IQCM: variants seen among roughly 807,000 people sequenced by gnomAD.
IQCM encodes IQ motif containing M.
A neutral mutation model predicts 57.6 loss-of-function variants in IQCM; 45 were observed. The ratio of observed to expected loss-of-function variants is 0.78; its 90% CI spans 0.62 to 1.00. The LOEUF (loss-of-function observed/expected upper bound fraction) is 1.00. Among genes scored for constraint, IQCM ranks in the 50% least tolerant of loss-of-function variants. IQCM has a pLI of 0.00. For missense variants in IQCM, 468 were observed against 511.6 expected, an observed-to-expected ratio of 0.91 and a Z score of 0.82; for synonymous variants, 148 against 158.9, an observed-to-expected ratio of 0.93 and a Z score of 0.51.
intron 13 of IQCM, among the ~76,000 whole-genome samples, chr4:149,357,736 G>C (rs375727183): frequency 1.3e-5 from 2 of 152,138 alleles, no homozygotes; most frequent in Non-Finnish European, 1.5e-5. Context: ...TCAGGCTTTG[G>C]TATCAGGATG....
chr4:149,478,442 A>T (rs1415843690), intron 12 of IQCM, among the ~76,000 whole-genome samples: 1 of 152,198 alleles, frequency 6.6e-6, no homozygotes, highest in African/African-American at 2.4e-5. Context: ...ATGATGATGC[A>T]TGGGTCACTA....
rs191486993 is a variant in IQCM at position 149,751,105 on chromosome 4, T to C, written c.-48-8366A>G. 2.0e-3 allele frequency among the ~76,000 whole-genome samples: 298 copies of C among 152,134 alleles called. 3 individuals are homozygous for C. Among genetic ancestry groups the C allele is most frequent in the African/African-American group, 6.8e-3 (282 of 41,502 alleles). On this transcript the variant is annotated intron_variant, in intron 2 of 13. Coordinates refer to ENST00000636793, the MANE Select transcript of IQCM (RefSeq NM_001363507.2). ...TTAAAATTGAAAACAATCTTGGGAG[T>C]TGATTTGTTTAGCCTCTCATTTCAC...
chr4:149,463,697 T>A (rs1428727508), intron 12 of IQCM, among the ~76,000 whole-genome samples: 2 of 152,200 alleles, frequency 1.3e-5, no homozygotes, highest in Non-Finnish European at 2.9e-5. Flanking sequence ...TTATTTTGTT[T>A]CCCTTTAAAA....
intron 12 of IQCM, among the ~76,000 whole-genome samples, chr4:149,546,325 A>G (rs1327577861): frequency 6.6e-6 from 1 of 152,150 alleles, no homozygotes; most frequent in Non-Finnish European, 1.5e-5. Context: ...TCCTTTGGGT[A>G]TATATACCCA....
At chr4:149,609,659 G>A (rs1755104557) in intron 8 of IQCM, among the ~76,000 whole-genome samples, 1 of 151,924 alleles carries the variant, frequency 6.6e-6, no homozygotes, top group African/African-American at 2.4e-5. Context: ...AATAGATGCT[G>A]AGAAAGCATT....
At chr4:149,778,455 T>G (rs1771310622) in intron 2 of IQCM, among the ~76,000 whole-genome samples, 1 of 151,976 alleles carries the variant, frequency 6.6e-6, no homozygotes, top group African/African-American at 2.4e-5. Context: ...AAGAGGGAAA[T>G]TTATAGCACT....
At chr4:149,769,672 T>C (rs527927247) in intron 2 of IQCM, among the ~76,000 whole-genome samples, 1 of 151,956 alleles carries the variant, frequency 6.6e-6, no homozygotes, top group South Asian at 2.1e-4. Flanking sequence ...GCAAAGAATA[T>C]TGCCAGGGAT....
intron 12 of IQCM, among the ~76,000 whole-genome samples, chr4:149,521,514 G>C (rs1403747276): frequency 6.6e-6 from 1 of 152,274 alleles, no homozygotes; most frequent in South Asian, 2.1e-4. Context: ...AATCATTCAA[G>C]CTTCCTCAGA....
At chr4:149,703,367 A>T (rs908289765) in intron 5 of IQCM, among the ~76,000 whole-genome samples, 1 of 151,710 alleles carries the variant, frequency 6.6e-6, no homozygotes, top group Admixed American at 6.6e-5. Flanking sequence ...CATTAAAATT[A>T]GTACTTCCAG....
At chr4:149,768,289 ATAACT>A (rs1294743586) in intron 2 of IQCM, among the ~76,000 whole-genome samples, 2 of 152,164 alleles carry the variant, frequency 1.3e-5, no homozygotes, top group Non-Finnish European at 2.9e-5. Flanking sequence ...CAGCCAGCGT[ATAACT>A]TTGCCCACAT....
At chr4:149,524,957 C>G (rs574868263) in intron 12 of IQCM, among the ~76,000 whole-genome samples, 1 of 151,440 alleles carries the variant, frequency 6.6e-6, no homozygotes, top group East Asian at 1.9e-4. Flanking sequence ...CACTATTAAT[C>G]AAAAAAATTG....
chr4:149,558,188 T>C (rs549805501), intron 10 of IQCM, among the ~76,000 whole-genome samples: 1 of 152,182 alleles, frequency 6.6e-6, no homozygotes, highest in South Asian at 2.1e-4. Flanking sequence ...ATTCTCTCTT[T>C]ACTCTATATA....
intron 9 of IQCM, among the ~76,000 whole-genome samples, chr4:149,583,327 A>T (rs1034165777): frequency 6.6e-6 from 1 of 151,638 alleles, no homozygotes; most frequent in African/African-American, 2.4e-5. Flanking sequence ...ATCAATAATT[A>T]AAGCAAATTA....
intron 2 of IQCM, among the ~76,000 whole-genome samples, chr4:149,764,464 C>T (rs964203599): frequency 1.3e-5 from 2 of 152,102 alleles, no homozygotes; most frequent in Non-Finnish European, 2.9e-5. Context: ...GTGCAGCTCC[C>T]TGCTCACCTT....
intron 2 of IQCM, among the ~76,000 whole-genome samples, chr4:149,761,090 G>C (rs894732795): frequency 6.6e-6 from 1 of 151,922 alleles, no homozygotes; most frequent in African/African-American, 2.4e-5. Context: ...CCAATTACTT[G>C]GGCTAACAAT....
In IQCM at chr4:149,480,465, G is replaced by A. The variant is rs192136193; in HGVS notation, c.1229-46908C>T. Among the ~76,000 whole-genome samples, 91 of 152,056 alleles carry A rather than the reference G, an allele frequency of 6.0e-4. 1 individual carries two copies. Among genetic ancestry groups the A allele is most frequent in the Admixed American group, 5.2e-3 (79 of 15,246 alleles). On this transcript the variant is annotated intron_variant, in intron 12 of 13. Coordinates refer to ENST00000636793, the MANE Select transcript of IQCM (RefSeq NM_001363507.2). ...AGCCTTCTATTCTCTATCTCCATGAGTTCAACTGTTTTGATTTTTAGATCC... is the reference window on the plus strand; with the variant it reads ...AGCCTTCTATTCTCTATCTCCATGAATTCAACTGTTTTGATTTTTAGATCC...
chr4:149,579,465 G>GT (rs527238911), intron 9 of IQCM, among the ~76,000 whole-genome samples: 2 of 151,782 alleles, frequency 1.3e-5, no homozygotes, highest in African/African-American at 2.4e-5. Context: ...TCAGAGCAGT[G>GT]TTTTTTTCCA....
At position 149,360,714 on chromosome 4, in the gene IQCM, C is replaced by G. The variant is rs535310464; in HGVS notation, c.1391-8648G>C. Reference sequence around the variant, plus strand: ...GCCACCATGTAAGAAGTGCCATTCACCTCATGCCATGATTCTGAGGCCTGT... The same window carrying G: ...GCCACCATGTAAGAAGTGCCATTCAGCTCATGCCATGATTCTGAGGCCTGT... On this transcript the variant is annotated intron_variant, in intron 13 of 13. Coordinates refer to ENST00000636793, the MANE Select transcript of IQCM (RefSeq NM_001363507.2). Among the ~76,000 whole-genome samples the G allele has an allele frequency of 3.2e-3, 481 of 152,312 alleles. 3 individuals are homozygous for G. The highest frequency in any genetic ancestry group is 5.2e-3 in the Non-Finnish European group (354 of 68,012).
At chr4:149,739,472 T>A (rs992866008) in intron 3 of IQCM, among the ~76,000 whole-genome samples, 8 of 149,184 alleles carry the variant, frequency 5.4e-5, no homozygotes, top group South Asian at 2.1e-4. Flanking sequence ...ATATAATTTT[T>A]TTTTTTTTTT....
Sources: gnomAD v4.1 joint callset for allele counts (sites outside exome capture counted in the v4.1 genomes callset) on GRCh38, gnomAD v4.1.1 for gene constraint, MANE v1.5 for transcripts, NCBI Gene and HGNC (gene_info 2026-07-23, HGNC 2026-07-21) for gene names.